CADM3: variants seen among roughly 807,000 people sequenced by gnomAD.
CADM3 encodes the protein cell adhesion molecule 3.
In CADM3, 11 loss-of-function variants were observed where a neutral mutation model predicts 44.9. That is an observed-to-expected ratio of 0.25 (90% CI 0.15 to 0.41). The LOEUF is 0.41. CADM3 is among the 10% of genes least tolerant of loss of function. CADM3 has a pLI of 1.00. For missense variants in CADM3, 426 were observed against 512.0 expected, an observed-to-expected ratio of 0.83 and a Z score of 1.62; for synonymous variants, 207 against 205.2, an observed-to-expected ratio of 1.01 and a Z score of -0.08.
intron 1 of CADM3, among the ~76,000 whole-genome samples, chr1:159,181,061 G>T (rs1048814903): frequency 6.6e-6 from 1 of 152,076 alleles, no homozygotes; most frequent in Non-Finnish European, 1.5e-5. Flanking sequence ...CTTTACTTCT[G>T]ATTTTCTGGG....
At chr1:159,189,918 C>T (rs1380690601) in intron 1 of CADM3, 3 of 1,312,132 alleles carry the variant, frequency 2.3e-6, no homozygotes, top group African/African-American at 1.5e-5. Context: ...AGTTCCCTCA[C>T]TCATCCTCAC....
At chr1:159,186,244 G>A (rs887499074) in intron 1 of CADM3, among the ~76,000 whole-genome samples, 4 of 152,138 alleles carry the variant, frequency 2.6e-5, no homozygotes, top group Non-Finnish European at 4.4e-5. Flanking sequence ...AATGAAGCTC[G>A]GCATCAGACT....
At position 159,201,442 on chromosome 1, in the gene CADM3, CT is replaced by C; in HGVS notation, c.*524del. On this transcript the variant is annotated 3_prime_UTR_variant, in exon 9 of 9. Coordinates refer to ENST00000368125, the MANE Select transcript of CADM3 (RefSeq NM_001127173.3). The stretch of plus-strand genomic sequence containing the variant: ...GGTTGTCGGCAAAGGTTGGGAGTGG[CT>C]TTTCCTCTGGTAGCCACACACCTGA... The C allele has an allele frequency of 6.6e-6, 1 of 152,408 alleles. No homozygotes were observed. Among genetic ancestry groups the C allele is most frequent in the Non-Finnish European group, 1.5e-5 (1 of 68,108 alleles). 9.4% of individuals were successfully genotyped at this position (152,408 alleles called of 1,614,324 possible).
At chr1:159,189,868 T>A (rs749069974) in intron 1 of CADM3, 1 of 1,597,784 alleles carries the variant, frequency 6.3e-7, no homozygotes, top group South Asian at 1.1e-5. Flanking sequence ...TGCTGGCCAG[T>A]CAAGGTGAGA....
chr1:159,172,173 T>C (rs1368473330), intron 1 of CADM3, among the ~76,000 whole-genome samples: 1 of 151,924 alleles, frequency 6.6e-6, no homozygotes, highest in African/African-American at 2.4e-5. Flanking sequence ...CGCGTCTGTG[T>C]TGGTGTCTGG....
At chr1:159,189,706 A>G in intron 1 of CADM3, 1 of 1,232,678 alleles carries the variant, frequency 8.1e-7, no homozygotes, top group Non-Finnish European at 1.2e-6. Flanking sequence ...CAGCAATGAA[A>G]GTAGAGCCCC....
intron 1 of CADM3, chr1:159,189,712 GC>G: frequency 1.6e-6 from 2 of 1,289,182 alleles, no homozygotes; most frequent in Non-Finnish European, 2.2e-6. Context: ...TGAAAGTAGA[GC>G]CCCACACTGT....
intron 1 of CADM3, 116 bp downstream of exon 1, chr1:159,171,969 C>A: frequency 1.8e-6 from 1 of 556,216 alleles, no homozygotes; most frequent in South Asian, 9.7e-5. Flanking sequence ...GGGTTAAAGT[C>A]ACCAGCCGCT....
At chr1:159,189,720 C>T in intron 1 of CADM3, 1 of 1,351,940 alleles carries the variant, frequency 7.4e-7, no homozygotes, top group Non-Finnish European at 1.0e-6. Context: ...GAGCCCCACA[C>T]TGTAGCAGGA....
chr1:159,188,997 A>G (rs1649538746), intron 1 of CADM3, among the ~76,000 whole-genome samples: 1 of 152,128 alleles, frequency 6.6e-6, no homozygotes, highest in African/African-American at 2.4e-5. Flanking sequence ...GAAGGAGCAG[A>G]CTCAGTCATT....
In CADM3 at chr1:159,192,094, A is replaced by G. The variant is rs780882189; in HGVS notation, c.229+18A>G. The G allele has an allele frequency of 6.2e-7, 1 of 1,612,856 alleles. No individual in the cohort carries two copies. Among genetic ancestry groups the G allele is most frequent in the Non-Finnish European group, 8.5e-7 (1 of 1,179,564 alleles). On this transcript the variant is annotated intron_variant, in intron 2 of 8. Coordinates refer to ENST00000368125, the MANE Select transcript of CADM3 (RefSeq NM_001127173.3). ...GAAGAGAGGTAGTATCTCATGAGTT[A>G]TCTTTCTCCGTGAAAACCATGGGCT...
intron 5 of CADM3, 159 bp downstream of exon 5, chr1:159,194,199 C>G: frequency 1.5e-6 from 1 of 686,322 alleles, no homozygotes; most frequent in Non-Finnish European, 2.4e-6. Flanking sequence ...TTGGCAAACT[C>G]TTTACAGAGG....
In CADM3 at chr1:159,199,853, G is replaced by A; in HGVS notation, c.1055G>A (p.Gly352Asp). ...FLLLIMLIFL[G>D]HYLIRHKGTY... ...CTGCTCATCATGCTCATCTTCCTTGGCCACTACTTGATCCGGCACAAAGGT... is the reference window on the plus strand; with the variant it reads ...CTGCTCATCATGCTCATCTTCCTTGACCACTACTTGATCCGGCACAAAGGT... The change falls in exon 8 of 9, where the codon GGC (glycine) becomes GAC (aspartate). Residue 352 changes from glycine (G) to aspartate (D), a missense_variant. Gly to Asp is a moderately conservative substitution (Grantham distance 94). Around this residue, in one of 2 missense-constraint regions of CADM3, gnomAD observed 362 missense variants for 474.6 expected, o/e 0.76. Coordinates refer to ENST00000368125, the MANE Select transcript of CADM3 (RefSeq NM_001127173.3). 6.2e-7 allele frequency: 1 copy of A among 1,613,860 alleles called. No homozygotes were observed. The highest frequency in any genetic ancestry group is 8.5e-7 in the Non-Finnish European group (1 of 1,179,974).
At chr1:159,173,225 G>A (rs1209703628) in intron 1 of CADM3, among the ~76,000 whole-genome samples, 1 of 151,966 alleles carries the variant, frequency 6.6e-6, no homozygotes, top group Admixed American at 6.6e-5. Context: ...GGCACAGGGC[G>A]GGGCGGGGGT....
intron 1 of CADM3, among the ~76,000 whole-genome samples, chr1:159,188,686 A>G (rs1649523542): frequency 6.6e-6 from 1 of 152,170 alleles, no homozygotes; most frequent in Non-Finnish European, 1.5e-5. Context: ...AAGATTCGCA[A>G]GGCCGGTTTC....
At chr1:159,197,298 G>C (rs1402171959) in intron 7 of CADM3, 3 of 440,638 alleles carry the variant, frequency 6.8e-6, no homozygotes, top group Non-Finnish European at 1.2e-5. Context: ...CTTTGGTAGT[G>C]GTGGCCTGGG....
rs1227207773 is a variant in CADM3, at chr1:159,172,069, GC to G, written c.88+217del. ...TGCACCCTTCTGTGTACACCACTGA[GC>G]GTGTGTCTGCGTGTGCACCGGGGTT... On this transcript the variant is annotated intron_variant, in intron 1 of 8. Coordinates refer to ENST00000368125, the MANE Select transcript of CADM3 (RefSeq NM_001127173.3). Among the ~76,000 whole-genome samples, 3 of 152,318 alleles carry G rather than the reference GC, an allele frequency of 2.0e-5. No homozygotes were observed. In the East Asian group the frequency reaches 5.8e-4, roughly 29 times the overall value.
intron 6 of CADM3, 151 bp downstream of exon 6, chr1:159,196,605 CT>C (rs991665732): frequency 1.1e-4 from 80 of 702,904 alleles, no homozygotes; most frequent in African/African-American, 1.1e-3. Context: ...GCAATTAGTT[CT>C]TCTGCAAAGC....
chr1:159,183,138 A>C (rs1649294423), intron 1 of CADM3, among the ~76,000 whole-genome samples: 2 of 152,342 alleles, frequency 1.3e-5, no homozygotes, highest in South Asian at 4.1e-4. Flanking sequence ...GTTTGAGCCC[A>C]GATTGGGTAC....
Sources: allele counts gnomAD v4.1 joint callset (sites outside exome capture counted in the v4.1 genomes callset), GRCh38; gene constraint gnomAD v4.1.1; regional missense constraint gnomAD v4.1.1; transcripts MANE v1.5; gene names NCBI Gene and HGNC (gene_info 2026-07-23, HGNC 2026-07-21).